The following ASAP2 variants were observed in gnomAD, a reference collection of about 807,000 sequenced individuals.
The protein encoded by ASAP2 is ArfGAP with SH3 domain, ankyrin repeat and PH domain 2.
A neutral mutation model predicts 131.4 loss-of-function variants in ASAP2; 45 were observed. The observed-to-expected ratio is 0.34, with a 90% confidence interval of 0.27 to 0.44. The LOEUF is 0.44. ASAP2 is among the 20% of genes least tolerant of loss of function. The probability of loss-of-function intolerance (pLI) is 1.00; values close to 1 mark genes in which losing one functional copy is unlikely to be tolerated. For missense variants in ASAP2, 1,011 were observed against 1,297.0 expected, an observed-to-expected ratio of 0.78 and a Z score of 3.39; for synonymous variants, 510 against 503.0, an observed-to-expected ratio of 1.01 and a Z score of -0.19.
At chr2:9,240,224 A>G (rs1223384726) in intron 1 of ASAP2, among the ~76,000 whole-genome samples, 1 of 147,956 alleles carries the variant, frequency 6.8e-6, no homozygotes, top group Non-Finnish European at 1.5e-5. Flanking sequence ...GTCTCTGTTC[A>G]TGTCATGTCT....
intron 1 of ASAP2, among the ~76,000 whole-genome samples, chr2:9,259,990 A>G (rs1665465013): frequency 6.6e-6 from 1 of 151,808 alleles, no homozygotes; most frequent in South Asian, 2.1e-4. Context: ...TATCTGGGAA[A>G]CTCTGTGGTT....
intron 2 of ASAP2, among the ~76,000 whole-genome samples, chr2:9,280,288 C>T (rs1667049017): frequency 6.6e-6 from 1 of 152,078 alleles, no homozygotes; most frequent in Non-Finnish European, 1.5e-5. Flanking sequence ...ACAGGGAGTG[C>T]CTTAGATGGT....
At chr2:9,323,043 T>A (rs1264095573) in intron 5 of ASAP2, 78 bp from the exon 6 acceptor site, 2 of 1,572,180 alleles carry the variant, frequency 1.3e-6, no homozygotes, top group Non-Finnish European at 1.7e-6. Context: ...CCAGGCTGGG[T>A]ACTGGGGTGG....
chr2:9,254,526 G>C (rs56035447), intron 1 of ASAP2, among the ~76,000 whole-genome samples: 1 of 104,192 alleles, frequency 9.6e-6, no homozygotes, highest in South Asian at 2.8e-4. Flanking sequence ...CTAATTTTTG[G>C]ATTTTTTTTT....
chr2:9,371,176 C>G (rs1673923829), intron 16 of ASAP2, among the ~76,000 whole-genome samples: 1 of 152,188 alleles, frequency 6.6e-6, no homozygotes, highest in East Asian at 1.9e-4. Context: ...TTTACATCCC[C>G]CAACCCCGGG....
intron 3 of ASAP2, among the ~76,000 whole-genome samples, chr2:9,316,979 TCTC>T (rs1558323850): frequency 2.3e-5 from 2 of 85,308 alleles, no homozygotes; most frequent in Non-Finnish European, 4.5e-5. Flanking sequence ...CGTCACACCC[TCTC>T]ATGTCCACTC....
chr2:9,222,394 C>T (rs1662487141), intron 1 of ASAP2, among the ~76,000 whole-genome samples: 2 of 152,196 alleles, frequency 1.3e-5, no homozygotes, highest in South Asian at 4.1e-4. Flanking sequence ...GGTAGTCACT[C>T]AGGAGGCTTA....
At chr2:9,243,202 G>T (rs896636774) in intron 1 of ASAP2, among the ~76,000 whole-genome samples, 4 of 152,018 alleles carry the variant, frequency 2.6e-5, no homozygotes, top group Non-Finnish European at 4.4e-5. Context: ...TCCGCCTCCC[G>T]GGTTCACGCC....
At chr2:9,221,308 A>ATTTTC (rs1214544248) in intron 1 of ASAP2, among the ~76,000 whole-genome samples, 1 of 139,718 alleles carries the variant, frequency 7.2e-6, no homozygotes, top group Non-Finnish European at 1.6e-5. Context: ...AGTTTTTTTC[A>ATTTTC]TTTTCTTTTC....
chr2:9,344,937 C>A, intron 11 of ASAP2, 137 bp downstream of exon 11: 1 of 619,642 alleles, frequency 1.6e-6, no homozygotes, highest in South Asian at 3.2e-5. Flanking sequence ...ATTTCCCTGT[C>A]AGAAACGCTT....
intron 21 of ASAP2, 50 bp from the exon 22 acceptor site, chr2:9,388,244 G>T: frequency 1.2e-6 from 2 of 1,605,282 alleles, no homozygotes; most frequent in South Asian, 2.2e-5. Context: ...TTATCACCAG[G>T]AGCAGTTCAT....
At chr2:9,315,748 C>T (rs1189185152) in intron 3 of ASAP2, among the ~76,000 whole-genome samples, 1 of 152,140 alleles carries the variant, frequency 6.6e-6, no homozygotes, top group Non-Finnish European at 1.5e-5. Flanking sequence ...TCCTTCCAGT[C>T]GTTCCTAAGA....
chr2:9,303,745 A>G (rs1372360132), intron 3 of ASAP2, among the ~76,000 whole-genome samples: 1 of 152,262 alleles, frequency 6.6e-6, no homozygotes, highest in East Asian at 1.9e-4. Flanking sequence ...TCAGATATCT[A>G]CATTTTGGTT....
At chr2:9,248,400 T>C (rs1664484228) in intron 1 of ASAP2, among the ~76,000 whole-genome samples, 1 of 151,810 alleles carries the variant, frequency 6.6e-6, no homozygotes, top group Admixed American at 6.6e-5. Context: ...GGGTAATTAG[T>C]GTATGTGTAG....
At chr2:9,388,583 G>T in intron 22 of ASAP2, 37 bp downstream of exon 22, 1 of 1,591,922 alleles carries the variant, frequency 6.3e-7, no homozygotes, top group Non-Finnish European at 8.5e-7. Context: ...AATATATAGA[G>T]GGTCTTGTTT....
intron 1 of ASAP2, among the ~76,000 whole-genome samples, chr2:9,278,066 C>A (rs1015394770): frequency 6.6e-6 from 1 of 152,138 alleles, no homozygotes; most frequent in African/African-American, 2.4e-5. Context: ...TCTAAACTCA[C>A]ATGGGGTAAT....
At chr2:9,223,407 C>T (rs1662559573) in intron 1 of ASAP2, among the ~76,000 whole-genome samples, 1 of 152,208 alleles carries the variant, frequency 6.6e-6, no homozygotes, top group South Asian at 2.1e-4. Flanking sequence ...TATACTAAGC[C>T]AGTAAGGCCT....
chr2:9,279,282 G>A (rs10193043), intron 1 of ASAP2, 35 bp from the exon 2 acceptor site: 1,378,928 of 1,600,984 alleles, frequency 0.86, 605,258 homozygotes, highest in Non-Finnish European at 0.91. Flanking sequence ...TCTCAGCACA[G>A]ACACGGTTTA....
intron 19 of ASAP2, among the ~76,000 whole-genome samples, chr2:9,380,318 C>T (rs1315152267): frequency 1.3e-5 from 2 of 152,144 alleles, no homozygotes; most frequent in African/African-American, 4.8e-5. Context: ...CTGCCTCAGC[C>T]TCCTGAGTAG....
Sources: gnomAD v4.1 joint callset for allele counts (sites outside exome capture counted in the v4.1 genomes callset) on GRCh38, gnomAD v4.1.1 for gene constraint, MANE v1.5 for transcripts, NCBI Gene and HGNC (gene_info 2026-07-23, HGNC 2026-07-21) for gene names.